CCSER1: variants seen among roughly 807,000 people sequenced by gnomAD.
The protein encoded by CCSER1 is serine-rich coiled-coil domain-containing protein 1.
CCSER1 carries 41 observed loss-of-function variants against 82.0 expected under a neutral mutation model. That is an observed-to-expected ratio of 0.50 (90% CI 0.39 to 0.65). The LOEUF is 0.65. Among genes scored for constraint, CCSER1 ranks in the 30% least tolerant of loss-of-function variants. The probability of loss-of-function intolerance (pLI) is 0.00; values close to 1 mark genes in which losing one functional copy is unlikely to be tolerated. For synonymous variants in CCSER1, 414 were observed against 383.9 expected (o/e 1.08, Z -0.92); for missense variants, 1,119 against 1,064.2 (o/e 1.05, Z -0.72).
intron 5 of CCSER1, among the ~76,000 whole-genome samples, chr4:90,503,825 A>T (rs1476553638): frequency 6.6e-6 from 1 of 152,144 alleles, no homozygotes; most frequent in Non-Finnish European, 1.5e-5. Flanking sequence ...AATTATATAT[A>T]ATTTTTAAAA....
At chr4:90,275,737 A>G (rs961053897) in intron 1 of CCSER1, among the ~76,000 whole-genome samples, 1 of 152,190 alleles carries the variant, frequency 6.6e-6, no homozygotes, top group Non-Finnish European at 1.5e-5. Context: ...TCTGGGGAAT[A>G]TGCTTGGTTG....
intron 9 of CCSER1, among the ~76,000 whole-genome samples, chr4:91,031,809 G>C (rs1001743619): frequency 1.3e-5 from 2 of 152,030 alleles, no homozygotes; most frequent in Admixed American, 1.3e-4. Context: ...ATAACATAGA[G>C]ATATTTTGGT....
intron 8 of CCSER1, among the ~76,000 whole-genome samples, chr4:90,896,599 A>T (rs1723754041): frequency 6.6e-6 from 1 of 151,956 alleles, no homozygotes; most frequent in Non-Finnish European, 1.5e-5. Flanking sequence ...CCTTGCTAGT[A>T]AGCCAGTATG....
intron 5 of CCSER1, among the ~76,000 whole-genome samples, chr4:90,526,731 A>G (rs1353338662): frequency 6.6e-6 from 1 of 152,172 alleles, no homozygotes; most frequent in Non-Finnish European, 1.5e-5. Flanking sequence ...ATAGTGTTCC[A>G]TGGTGTATAT....
intron 10 of CCSER1, among the ~76,000 whole-genome samples, chr4:91,281,193 T>A (rs549479580): frequency 1.3e-5 from 2 of 152,306 alleles, no homozygotes; most frequent in African/African-American, 4.8e-5. Context: ...TTCCTTTCCT[T>A]CCATGTCTTA....
chr4:90,203,989 A>G lies in CCSER1; in HGVS notation c.-42+76158A>G, dbSNP rs542217344. ...ATGTTTGTTGGCTGTATAAATGTCT[A>G]TTTTTGAGAAGTGTCTGTTCACATC... On this transcript the variant is annotated intron_variant, in intron 1 of 10. Transcript: ENST00000509176. Among the ~76,000 whole-genome samples, 65 of 152,144 alleles carry G rather than the reference A, an allele frequency of 4.3e-4. 1 individual carries two copies. The highest frequency in any genetic ancestry group is 1.5e-3 in the African/African-American group (63 of 41,514).
chr4:91,523,434 G>A (rs1300308200), intron 10 of CCSER1, among the ~76,000 whole-genome samples: 2 of 152,150 alleles, frequency 1.3e-5, no homozygotes, highest in Admixed American at 6.5e-5. Context: ...GACTGGCATA[G>A]TTTCAGAAGG....
intron 3 of CCSER1, among the ~76,000 whole-genome samples, chr4:90,387,741 C>A (rs1159451359): frequency 6.6e-6 from 1 of 152,170 alleles, no homozygotes; most frequent in Non-Finnish European, 1.5e-5. Flanking sequence ...TGTTGCCACA[C>A]ATCAATTCCA....
intron 7 of CCSER1, chr4:90,727,281 T>C: frequency 2.2e-6 from 1 of 456,156 alleles, no homozygotes. Flanking sequence ...AGCCAAAGGA[T>C]AACCAATTTT....
chr4:90,651,293 G>A (rs1728696168), intron 6 of CCSER1, among the ~76,000 whole-genome samples: 1 of 152,114 alleles, frequency 6.6e-6, no homozygotes, highest in Non-Finnish European at 1.5e-5. Flanking sequence ...CAGCCCAAAT[G>A]TCCATCAGTG....
intron 5 of CCSER1, among the ~76,000 whole-genome samples, chr4:90,488,040 T>C (rs1767388845): frequency 6.6e-6 from 1 of 152,166 alleles, no homozygotes; most frequent in Non-Finnish European, 1.5e-5. Context: ...TTCAGAATAG[T>C]TCATAACCCA....
At chr4:90,791,085 C>T (rs1158258935) in intron 7 of CCSER1, among the ~76,000 whole-genome samples, 1 of 152,150 alleles carries the variant, frequency 6.6e-6, no homozygotes, top group Non-Finnish European at 1.5e-5. Context: ...GAAAGCACCT[C>T]TTCACAGGGC....
chr4:90,957,516 C>A (rs59886126), intron 9 of CCSER1, among the ~76,000 whole-genome samples: 2 of 107,464 alleles, frequency 1.9e-5, no homozygotes, highest in African/African-American at 3.2e-5. Flanking sequence ...TATAATATAA[C>A]ATAATATCAT....
At chr4:90,306,178 G>A (rs923939816) in intron 1 of CCSER1, among the ~76,000 whole-genome samples, 18 of 152,112 alleles carry the variant, frequency 1.2e-4, no homozygotes, top group African/African-American at 3.4e-4. Context: ...TGGAAGGACC[G>A]GGGGCTGGGG....
At chr4:90,143,809 C>A (rs1272620078) in intron 1 of CCSER1, among the ~76,000 whole-genome samples, 1 of 151,810 alleles carries the variant, frequency 6.6e-6, no homozygotes, top group Non-Finnish European at 1.5e-5. Flanking sequence ...CTCAGCCTCC[C>A]AAGTAGCTGG....
intron 10 of CCSER1, among the ~76,000 whole-genome samples, chr4:91,366,241 G>A (rs1191022316): frequency 2.6e-5 from 4 of 152,040 alleles, no homozygotes; most frequent in Admixed American, 1.3e-4. Context: ...GGCTGGTCTC[G>A]AACTCCTGAC....
intron 10 of CCSER1, among the ~76,000 whole-genome samples, chr4:91,523,379 T>C (rs956411419): frequency 2.6e-5 from 4 of 152,136 alleles, no homozygotes; most frequent in Admixed American, 6.5e-5. Context: ...CAGGATGATG[T>C]TGGCCTCATA....
intron 10 of CCSER1, among the ~76,000 whole-genome samples, chr4:91,353,597 C>G (rs75760657): frequency 0.02 from 3,000 of 152,230 alleles, 89 homozygotes; most frequent in African/African-American, 0.067. Flanking sequence ...CTCTTTCCTC[C>G]TTTCCCCCCT....
chr4:90,521,476 C>T (rs982809103), intron 5 of CCSER1, among the ~76,000 whole-genome samples: 5 of 152,078 alleles, frequency 3.3e-5, no homozygotes, highest in African/African-American at 1.2e-4. Flanking sequence ...TTGTCATTGA[C>T]CACCCACAAG....
Sources: allele counts gnomAD v4.1 joint callset (sites outside exome capture counted in the v4.1 genomes callset), GRCh38; gene constraint gnomAD v4.1.1; transcripts MANE v1.5; gene names NCBI Gene and HGNC (gene_info 2026-07-23, HGNC 2026-07-21).